The following TENM2 variants were observed in gnomAD, a reference collection of about 807,000 sequenced individuals.
TENM2 encodes the protein teneurin-2.
TENM2 carries 52 observed loss-of-function variants against 245.2 expected under a neutral mutation model. The ratio of observed to expected loss-of-function variants is 0.21; its 90% CI spans 0.17 to 0.27. TENM2 has a LOEUF of 0.27. TENM2 is among the 10% of genes least tolerant of loss of function. The probability of loss-of-function intolerance (pLI) is 1.00; values close to 1 mark genes in which losing one functional copy is unlikely to be tolerated. For synonymous variants in TENM2, 1,363 were observed against 1,438.9 expected (o/e 0.95, Z 1.19); for missense variants, 3,046 against 3,666.8 (o/e 0.83, Z 4.37).
intron 11 of TENM2, among the ~76,000 whole-genome samples, chr5:168,125,481 C>T (rs537786272): frequency 2.1e-4 from 32 of 152,206 alleles, no homozygotes; most frequent in Non-Finnish European, 2.8e-4. Flanking sequence ...AATGAAGTCG[C>T]GCTGTACACT....
At chr5:167,685,726 T>C in intron 2 of TENM2, among the ~76,000 whole-genome samples, 1 of 152,322 alleles carries the variant, frequency 6.6e-6, no homozygotes, top group Non-Finnish European at 1.5e-5. Context: ...TGTAATGATA[T>C]ATGATAGTCT....
At chr5:167,829,318 T>A (rs1389725087) in intron 2 of TENM2, among the ~76,000 whole-genome samples, 1 of 152,242 alleles carries the variant, frequency 6.6e-6, no homozygotes, top group Non-Finnish European at 1.5e-5. Flanking sequence ...GCTTGCCAGC[T>A]TGTTGAGGAT....
In TENM2 at chr5:168,218,087, A is replaced by G; in HGVS notation, c.4234-38A>G. On this transcript the variant is annotated intron_variant, in intron 22 of 28. Transcript: ENST00000518659. The surrounding 1 kb of genome is among the most constrained non-coding windows in gnomAD (Gnocchi z 5.2). ...CGTACGGTTAAACGTTGGACATATT[A>G]AAGGCTGTTCTTTAATCTGATACCA... The G allele has an allele frequency of 6.3e-7, 1 of 1,589,382 alleles. No homozygotes were observed. Among genetic ancestry groups the G allele is most frequent in the Non-Finnish European group, 8.6e-7 (1 of 1,164,416 alleles).
chr5:167,581,719 C>T (rs967184773), intron 2 of TENM2, among the ~76,000 whole-genome samples: 13 of 152,110 alleles, frequency 8.5e-5, no homozygotes, highest in African/African-American at 3.1e-4. Context: ...AGTATGAGTA[C>T]ATTCCCGATA....
At chr5:167,790,122 T>A (rs1764844627) in intron 2 of TENM2, among the ~76,000 whole-genome samples, 1 of 152,306 alleles carries the variant, frequency 6.6e-6, no homozygotes, top group Admixed American at 6.5e-5. Context: ...ACTTTTTTTT[T>A]TAAAGATATG....
intron 2 of TENM2, among the ~76,000 whole-genome samples, chr5:167,806,932 C>T (rs1307013510): frequency 2.0e-5 from 3 of 151,564 alleles, no homozygotes; most frequent in South Asian, 2.1e-4. Flanking sequence ...CACTGCCAAC[C>T]GTGGTATCTT....
intron 2 of TENM2, among the ~76,000 whole-genome samples, chr5:167,833,765 T>C (rs959897670): frequency 6.6e-6 from 1 of 152,212 alleles, no homozygotes; most frequent in Non-Finnish European, 1.5e-5. Flanking sequence ...TGACATGGTG[T>C]GATCTCTAAT....
At chr5:167,067,853 C>A in the TENM2 span, among the ~76,000 whole-genome samples, 3 of 152,136 alleles carry the variant, frequency 2.0e-5, no homozygotes, top group Admixed American at 6.5e-5. Context: ...CTCCTAAGAT[C>A]CAACTTGGCT....
intron 2 of TENM2, among the ~76,000 whole-genome samples, chr5:167,438,334 T>C (rs1320072057): frequency 6.6e-6 from 1 of 152,214 alleles, no homozygotes; most frequent in African/African-American, 2.4e-5. Flanking sequence ...CAAAAGTGCA[T>C]GTAGGCACTT....
intron 1 of TENM2, among the ~76,000 whole-genome samples, chr5:167,332,415 C>G (rs1343811282): frequency 6.6e-6 from 1 of 152,066 alleles, no homozygotes; most frequent in Non-Finnish European, 1.5e-5. Flanking sequence ...ACAGTTGGAT[C>G]ATGATGAGGG....
At chr5:167,458,905 T>A (rs1367922523) in intron 2 of TENM2, among the ~76,000 whole-genome samples, 1 of 152,204 alleles carries the variant, frequency 6.6e-6, no homozygotes, top group African/African-American at 2.4e-5. Context: ...GAATCCGTCT[T>A]CTTATCTGCT....
intron 3 of TENM2, among the ~76,000 whole-genome samples, chr5:167,948,228 T>C (rs1346858838): frequency 2.6e-5 from 4 of 152,210 alleles, no homozygotes; most frequent in Admixed American, 6.5e-5. Context: ...TTTATGGGAA[T>C]TGGTATCGTT....
chr5:167,921,211 G>C (rs138530560), intron 3 of TENM2, among the ~76,000 whole-genome samples: 2 of 152,160 alleles, frequency 1.3e-5, no homozygotes, highest in Non-Finnish European at 2.9e-5. Context: ...GAGAAGTTGT[G>C]TGATAAATTA....
rs7702526 is a variant in TENM2 at position 167,954,400 on chromosome 5, C to G, written c.947+1578C>G. On this transcript the variant is annotated intron_variant, in intron 4 of 28. Coordinates refer to ENST00000518659, the Ensembl canonical transcript of TENM2. ...TTTTATTAGGTGCAGTTTTGGCATG[C>G]ATGTTTGGTTCAAACATTAAAAACA... 9.5e-4 allele frequency among the ~76,000 whole-genome samples: 144 copies of G among 152,266 alleles called. 1 individual carries two copies. The highest frequency in any genetic ancestry group is 7.5e-3 in the South Asian group (36 of 4,822).
chr5:167,348,856 C>G (rs1188694771), intron 1 of TENM2, among the ~76,000 whole-genome samples: 1 of 152,136 alleles, frequency 6.6e-6, no homozygotes, highest in Non-Finnish European at 1.5e-5. Flanking sequence ...TCTTTCAGTT[C>G]GTGATCTCAG....
intron 3 of TENM2, among the ~76,000 whole-genome samples, chr5:167,914,911 G>C (rs1277719315): frequency 6.6e-6 from 1 of 152,126 alleles, no homozygotes; most frequent in Non-Finnish European, 1.5e-5. Flanking sequence ...GAGTCCACTT[G>C]CTCAGGTATG....
chr5:167,794,145 C>T (rs1177833071), intron 2 of TENM2, among the ~76,000 whole-genome samples: 3 of 152,026 alleles, frequency 2.0e-5, no homozygotes, highest in Non-Finnish European at 4.4e-5. Context: ...GTAGCTATGT[C>T]GCCCACCAGT....
At chr5:167,377,609 T>C (rs1760842312) in intron 2 of TENM2, among the ~76,000 whole-genome samples, 1 of 152,186 alleles carries the variant, frequency 6.6e-6, no homozygotes, top group South Asian at 2.1e-4. Context: ...ATTTTACACA[T>C]CACATCATAA....
chr5:168,225,632 A>G (rs1284073872), intron 23 of TENM2, among the ~76,000 whole-genome samples: 1 of 152,064 alleles, frequency 6.6e-6, no homozygotes, highest in Non-Finnish European at 1.5e-5. Flanking sequence ...ATCGTGGTGC[A>G]TGCCTGTAAT....
Sources: gnomAD v4.1 joint callset for allele counts (sites outside exome capture counted in the v4.1 genomes callset) on GRCh38, gnomAD v4.1.1 for gene constraint, Gnocchi (gnomAD v3.1) non-coding constraint, MANE v1.5 for transcripts, NCBI Gene and HGNC (gene_info 2026-07-23, HGNC 2026-07-21) for gene names.